Variants in CLDN20 observed in about 807,000 individuals in gnomAD.
The protein encoded by CLDN20 is claudin-20.
For synonymous variants in CLDN20, 104 were observed against 103.6 expected, an observed-to-expected ratio of 1.00 and a Z score of -0.03; for missense variants, 258 against 267.9, an observed-to-expected ratio of 0.96 and a Z score of 0.26.
At chr6:155,267,303 G>T (rs1239500764) in intron 1 of CLDN20, among the ~76,000 whole-genome samples, 3 of 152,188 alleles carry the variant, frequency 2.0e-5, no homozygotes, top group Non-Finnish European at 1.5e-5. Flanking sequence ...TGATGAAAGG[G>T]TCAGCTGAGG....
intron 1 of CLDN20, among the ~76,000 whole-genome samples, chr6:155,267,296 T>A (rs1412091141): frequency 6.6e-6 from 1 of 152,192 alleles, no homozygotes. Context: ...TGCTTCTTGA[T>A]GAAAGGGTCA....
At chr6:155,269,324 CTTTT>C (rs60162262) in intron 1 of CLDN20, among the ~76,000 whole-genome samples, 1 of 127,268 alleles carries the variant, frequency 7.9e-6, no homozygotes, top group Non-Finnish European at 1.6e-5. Context: ...CTTTTCTTTT[CTTTT>C]TTTTTTTTTT....
chr6:155,265,440 A>C (rs1433534420), intron 1 of CLDN20, among the ~76,000 whole-genome samples: 3 of 152,148 alleles, frequency 2.0e-5, no homozygotes, highest in Admixed American at 6.5e-5. Flanking sequence ...CATCACACTG[A>C]AGATGCTTGG....
intron 1 of CLDN20, among the ~76,000 whole-genome samples, chr6:155,272,918 GATT>G (rs1254957812): frequency 1.3e-5 from 2 of 152,276 alleles, no homozygotes; most frequent in Non-Finnish European, 2.9e-5. Flanking sequence ...GGAAGAAAAG[GATT>G]ATAATTGGTA....
At position 155,275,917 on chromosome 6, in the gene CLDN20, G is replaced by A; in HGVS notation, c.198G>A (p.Leu66=). Residue 66 remains leucine (L), a synonymous_variant, in exon 2 of 2, where the codon CTG becomes CTA. Coordinates refer to ENST00000367165, the MANE Select transcript of CLDN20 (RefSeq NM_001001346.3). ...WYSTGMFSCA[L]KHSILSLPIH... is the part of the protein sequence containing the mutation. ...GCACTGGGATGTTCAGCTGTGCCCTGAAACACTCCATTCTGTCCCTCCCCA... is the reference window on the plus strand; with the variant it reads ...GCACTGGGATGTTCAGCTGTGCCCTAAAACACTCCATTCTGTCCCTCCCCA... 1 of 1,614,138 alleles carries A rather than the reference G, an allele frequency of 6.2e-7. No individual in the cohort carries two copies. The highest frequency in any genetic ancestry group is 8.5e-7 in the Non-Finnish European group (1 of 1,180,032).
At chr6:155,268,020 A>G (rs1784741369) in intron 1 of CLDN20, among the ~76,000 whole-genome samples, 1 of 152,212 alleles carries the variant, frequency 6.6e-6, no homozygotes, top group South Asian at 2.1e-4. Context: ...TGTAGACAGG[A>G]AATTTTGGGT....
intron 1 of CLDN20, among the ~76,000 whole-genome samples, chr6:155,269,330 T>TTTA (rs1784819834): frequency 6.8e-6 from 1 of 147,794 alleles, no homozygotes; most frequent in Non-Finnish European, 1.5e-5. Context: ...TTTTCTTTTT[T>TTTA]TTTTTTTTTG....
At chr6:155,273,742 T>C (rs561582823) in intron 1 of CLDN20, among the ~76,000 whole-genome samples, 1 of 152,144 alleles carries the variant, frequency 6.6e-6, no homozygotes, top group African/African-American at 2.4e-5. Context: ...TGGAGAGAGA[T>C]CTGGACGCTG....
At chr6:155,266,903 GAGACATTAAAGCA>G (rs1191556612) in intron 1 of CLDN20, among the ~76,000 whole-genome samples, 4 of 149,092 alleles carry the variant, frequency 2.7e-5, no homozygotes, top group Admixed American at 2.7e-4. Context: ...TCTGGAAAGT[GAGACATTAAAGCA>G]TAGTCTGGGG....
At position 155,276,413 on chromosome 6, in the gene CLDN20, G is replaced by T. The variant is rs775885979; in HGVS notation, c.*34G>T. On this transcript the variant is annotated 3_prime_UTR_variant, in exon 2 of 2. Coordinates refer to ENST00000367165, the MANE Select transcript of CLDN20 (RefSeq NM_001001346.3). ...GTAATGCATATGAAATGGAACTTTT[G>T]GGTGCCAAATGGGACTTTTAGATTA... 2 of 1,567,708 alleles carry T rather than the reference G, an allele frequency of 1.3e-6. No homozygotes were observed. The highest frequency in any genetic ancestry group is 3.7e-5 in the Admixed American group (2 of 54,606).
In CLDN20 at chr6:155,276,484, A is replaced by T; in HGVS notation, c.*105A>T. The T allele has an allele frequency of 9.7e-7, 1 of 1,031,038 alleles. No homozygotes were observed. The highest frequency in any genetic ancestry group is 1.4e-6 in the Non-Finnish European group (1 of 712,014). The allele number at this position is 1,031,038 out of a possible 1,614,324, so 63.9% of individuals were successfully genotyped here. On this transcript the variant is annotated 3_prime_UTR_variant, in exon 2 of 2. Transcript: ENST00000367165. Reference sequence around the variant, plus strand: ...TTAACTTTCCCTACAAAGAAAGTAGAATGTAAAATACTTTAACAACTACAA... The same window carrying T: ...TTAACTTTCCCTACAAAGAAAGTAGTATGTAAAATACTTTAACAACTACAA...
intron 1 of CLDN20, 105 bp from the exon 2 acceptor site, chr6:155,275,511 G>A (rs950954976): frequency 9.4e-6 from 5 of 534,464 alleles, no homozygotes; most frequent in African/African-American, 5.7e-5. Flanking sequence ...CTTGGGGGCT[G>A]GAGAAGGGGG....
chr6:155,267,550 G>T (rs560471300), intron 1 of CLDN20, among the ~76,000 whole-genome samples: 51 of 152,306 alleles, frequency 3.3e-4, no homozygotes, highest in African/African-American at 1.1e-3. Context: ...AGCTCTGATT[G>T]GTGAGTGACG....
chr6:155,268,569 C>A (rs1784766966), intron 1 of CLDN20, among the ~76,000 whole-genome samples: 1 of 152,208 alleles, frequency 6.6e-6, no homozygotes, highest in Non-Finnish European at 1.5e-5. Context: ...AGATTAACAT[C>A]ACTAAGCAAC....
intron 1 of CLDN20, among the ~76,000 whole-genome samples, chr6:155,265,855 G>A (rs537553724): frequency 6.6e-5 from 10 of 151,242 alleles, no homozygotes; most frequent in Non-Finnish European, 1.3e-4. Context: ...TAGGCCATCT[G>A]CAGGCTGAGA....
intron 1 of CLDN20, among the ~76,000 whole-genome samples, chr6:155,271,082 C>T (rs187867059): frequency 1.2e-3 from 189 of 152,092 alleles, no homozygotes; most frequent in African/African-American, 3.9e-3. Context: ...TTAAAACAAA[C>T]CAAAACAAAA....
chr6:155,264,858 T>C (rs912270585), intron 1 of CLDN20, among the ~76,000 whole-genome samples: 1 of 152,172 alleles, frequency 6.6e-6, no homozygotes, highest in Admixed American at 6.5e-5. Context: ...ATTACACCTA[T>C]TAGTAATAAC....
In CLDN20 at chr6:155,276,239, T is replaced by C; in HGVS notation, c.520T>C (p.Leu174=). The C allele has an allele frequency of 1.9e-6, 3 of 1,614,106 alleles. No homozygotes were observed. The South Asian group carries it at 3.3e-5, about 18-fold the overall frequency. The change falls in exon 2 of 2, where the codon TTG becomes CTG. Residue 174 remains leucine (L), a synonymous_variant. Coordinates refer to ENST00000367165, the MANE Select transcript of CLDN20 (RefSeq NM_001001346.3). ...TATCGGATTCATTTCTGCAATGCTG[T>C]TGTTTATCTCTGGCATGATTTTCTG... is the stretch of plus-strand genomic sequence containing the variant. ...IYIGFISAML[L]FISGMIFCTS...
rs531741462 is a variant in CLDN20, at chr6:155,270,393, T to A, written c.-104-5223T>A. On this transcript the variant is annotated intron_variant, in intron 1 of 1. Transcript: ENST00000367165. Reference sequence around the variant, plus strand: ...GATTAATATCCCTTTAATGTCCACATCAGAAGTGGATAGTAATGTTGATAA... The same window carrying A: ...GATTAATATCCCTTTAATGTCCACAACAGAAGTGGATAGTAATGTTGATAA... Among the ~76,000 whole-genome samples, 12 of 152,284 alleles carry A rather than the reference T, an allele frequency of 7.9e-5. No homozygotes were observed. The East Asian group carries it at 2.3e-3, about 29-fold the overall frequency.
Sources: gnomAD v4.1 joint callset for allele counts (sites outside exome capture counted in the v4.1 genomes callset) on GRCh38, gnomAD v4.1.1 for gene constraint, MANE v1.5 for transcripts, NCBI Gene and HGNC (gene_info 2026-07-23, HGNC 2026-07-21) for gene names.